Variants in ZBTB1 observed in about 807,000 individuals in gnomAD.
ZBTB1 encodes the protein zinc finger and BTB domain containing 1, also known as zinc finger and BTB domain-containing protein 1.
In ZBTB1, 13 loss-of-function variants were observed where a neutral mutation model predicts 51.6. The observed-to-expected ratio is 0.25, with a 90% CI of 0.16 to 0.40. ZBTB1 has a LOEUF of 0.40. Among genes scored for constraint, ZBTB1 ranks in the 10% least tolerant of loss-of-function variants. The pLI is 1.00. For missense variants in ZBTB1, 567 were observed against 856.5 expected (o/e 0.66, Z 4.22); for synonymous variants, 240 against 282.2 (o/e 0.85, Z 1.50).
rs2079881594 is a variant in ZBTB1 at position 64,523,743 on chromosome 14, T to C, written c.*97T>C. The C allele has an allele frequency of 7.3e-7, 1 of 1,372,896 alleles. No individual in the cohort carries two copies. Among genetic ancestry groups the C allele is most frequent in the South Asian group, 2.1e-5 (1 of 48,086 alleles). The allele number at this position is 1,372,896 out of a possible 1,614,324, so 85.0% of individuals were successfully genotyped here. On this transcript the variant is annotated 3_prime_UTR_variant, in exon 2 of 2. Transcript: ENST00000683701. This position sits in a 1 kb window ranked among gnomAD's most constrained non-coding sequence, Gnocchi z 4.5. ...GGAATTGATTATATAAGATGATTTG[T>C]TAGAAACAAATTTCAAGGCCCTTTT... is the stretch of plus-strand genomic sequence containing the variant.
rs1328568400 is a variant in ZBTB1 at position 64,523,864 on chromosome 14, GT to G, written c.*223del. ...TTCTTAATAGAATTATTTGTTTTTA[GT>G]TTTTCTTAGCTATGATTAAAATTTT... On this transcript the variant is annotated 3_prime_UTR_variant, in exon 2 of 2. Transcript: ENST00000683701. This position sits in a 1 kb window ranked among gnomAD's most constrained non-coding sequence, Gnocchi z 4.5. The G allele has an allele frequency of 1.5e-5, 18 of 1,225,582 alleles. No homozygotes were observed. The highest frequency in any genetic ancestry group is 3.2e-4 in the Middle Eastern group (1 of 3,086). 75.9% of individuals were successfully genotyped at this position (1,225,582 alleles called of 1,614,324 possible). A position where few individuals can be genotyped will look rare whatever the true frequency, so the allele number is the denominator to read the frequency against.
Position 64,523,102 on chromosome 14 carries a change from C to G in ZBTB1, c.1598C>G (p.Pro533Arg). The change falls in exon 2 of 2, where the codon CCT becomes CGT. Residue 533 changes from proline to arginine, a missense_variant. By Grantham distance (103) the Pro-to-Arg change is moderately radical (BLOSUM62 -2). Coordinates refer to ENST00000683701, the MANE Select transcript of ZBTB1 (RefSeq NM_001123329.2). The surrounding 1 kb of genome is among the most constrained non-coding windows in gnomAD (Gnocchi z 4.5). ...KKQLFKHSAC[P>R]FRCPNCGQRF... ...CAGTTATTTAAACATTCTGCCTGCC[C>G]TTTTCGATGTCCTAATTGTGGCCAG... 6.2e-7 allele frequency: 1 copy of G among 1,614,190 alleles called. No individual in the cohort carries two copies. Among genetic ancestry groups the G allele is most frequent in the South Asian group, 1.1e-5 (1 of 91,080 alleles).
At chr14:64,529,045 G>A (rs959396308), downstream of ZBTB1, among the ~76,000 whole-genome samples, 1 of 152,186 alleles carries the variant, frequency 6.6e-6, no homozygotes, top group African/African-American at 2.4e-5. Context: ...GTAATAGTGG[G>A]TACCCAATTA....
At chr14:64,508,786 TAAAC>T (rs553995628) in intron 1 of ZBTB1, among the ~76,000 whole-genome samples, 26 of 152,282 alleles carry the variant, frequency 1.7e-4, no homozygotes, top group African/African-American at 5.1e-4. Flanking sequence ...ATGATTGAAA[TAAAC>T]AAAAAATTGA....
chr14:64,521,471 T>G lies in ZBTB1; in HGVS notation c.-18-16T>G. 1 of 1,529,150 alleles carries G rather than the reference T, an allele frequency of 6.5e-7. No individual in the cohort carries two copies. Among genetic ancestry groups the G allele is most frequent in the Non-Finnish European group, 8.8e-7 (1 of 1,140,212 alleles). 94.7% of individuals were successfully genotyped at this position (1,529,150 alleles called of 1,614,324 possible). A position where few individuals can be genotyped will look rare whatever the true frequency, so the allele number is the denominator to read the frequency against. On this transcript the variant is annotated splice_polypyrimidine_tract_variant and intron_variant, in intron 1 of 1. Coordinates refer to ENST00000683701, the MANE Select transcript of ZBTB1 (RefSeq NM_001123329.2). ...TTCTATATCTTGTTTGACTTTAATA[T>G]TTTTGTTTTACATAGGTCTCTAATT...
At chr14:64,510,520 G>T (rs1005565587) in intron 1 of ZBTB1, among the ~76,000 whole-genome samples, 2 of 152,192 alleles carry the variant, frequency 1.3e-5, no homozygotes, top group Admixed American at 6.5e-5. Flanking sequence ...ATTTTTAAAT[G>T]ATATCTGGGA....
At chr14:64,509,691 C>T (rs775003064) in intron 1 of ZBTB1, among the ~76,000 whole-genome samples, 3 of 151,566 alleles carry the variant, frequency 2.0e-5, no homozygotes, top group Non-Finnish European at 4.4e-5. Context: ...AGGATCTGGC[C>T]GGGTGTGTGG....
intron 1 of ZBTB1, among the ~76,000 whole-genome samples, chr14:64,506,934 T>C (rs1207434566): frequency 3.3e-5 from 5 of 152,230 alleles, no homozygotes; most frequent in Admixed American, 3.3e-4. Context: ...ATTTTTGTAC[T>C]GCTTCCTCAT....
chr14:64,523,430 A>G lies in ZBTB1; in HGVS notation c.1926A>G (p.Gly642=). The G allele has an allele frequency of 6.2e-7, 1 of 1,614,188 alleles. No individual in the cohort carries two copies. The highest frequency in any genetic ancestry group is 8.5e-7 in the Non-Finnish European group (1 of 1,180,004). Residue 642 remains glycine, a synonymous_variant, in exon 2 of 2, where the codon GGA becomes GGG. Coordinates refer to ENST00000683701, the MANE Select transcript of ZBTB1 (RefSeq NM_001123329.2). The surrounding 1 kb of genome is among the most constrained non-coding windows in gnomAD (Gnocchi z 4.5). ...ATGTCTGTTCCATTTGTGATCAAGG[A>G]AACTTCAGAAAACATGACCATGTAC... ...ARYVCSICDQ[G]NFRKHDHVRH... is the part of the protein sequence containing the mutation.
intron 1 of ZBTB1, among the ~76,000 whole-genome samples, chr14:64,520,071 G>A (rs902489926): frequency 6.6e-6 from 1 of 151,776 alleles, no homozygotes; most frequent in Non-Finnish European, 1.5e-5. Flanking sequence ...GTGCGATCTC[G>A]GCTCACTGCA....
chr14:64,526,314 A>G (rs1000382419), downstream of ZBTB1, among the ~76,000 whole-genome samples: 2 of 152,188 alleles, frequency 1.3e-5, no homozygotes. Context: ...GTTCCCTAAT[A>G]TCTCCTTCCT....
rs369265245 is a variant in ZBTB1 at position 64,522,790 on chromosome 14, C to G, written c.1286C>G (p.Thr429Arg). 1.2e-6 allele frequency: 2 copies of G among 1,614,042 alleles called. No homozygotes were observed. The highest frequency in any genetic ancestry group is 1.7e-5 in the Admixed American group (1 of 59,990). Reference sequence around the variant, plus strand: ...GCATCTTGTGAGCTGTGTGGACTTACAATAACCGAGGAGGACCTGTCATCT... The same window carrying G: ...GCATCTTGTGAGCTGTGTGGACTTAGAATAACCGAGGAGGACCTGTCATCT... ...ENASCELCGL[T>R]ITEEDLSSHY... Residue 429 changes from threonine to arginine, a missense_variant, in exon 2 of 2, where the codon ACA becomes AGA. This residue lies in a region of ZBTB1 where 329 missense variants were observed against 406.3 expected (regional missense o/e 0.81). Coordinates refer to ENST00000683701, the MANE Select transcript of ZBTB1 (RefSeq NM_001123329.2).
At chr14:64,506,994 A>C (rs2140076859) in intron 1 of ZBTB1, among the ~76,000 whole-genome samples, 1 of 152,312 alleles carries the variant, frequency 6.6e-6, no homozygotes, top group African/African-American at 2.4e-5. Flanking sequence ...CGACCTTTTT[A>C]AGAGTATCTC....
intron 1 of ZBTB1, among the ~76,000 whole-genome samples, chr14:64,510,156 G>T (rs2079710046): frequency 6.6e-6 from 1 of 152,054 alleles, no homozygotes; most frequent in South Asian, 2.1e-4. Flanking sequence ...ATCTCATGGG[G>T]GAGACCAACA....
chr14:64,530,561 C>T (rs180922709), intron 2 of ZBTB1, among the ~76,000 whole-genome samples: 15 of 151,324 alleles, frequency 9.9e-5, no homozygotes, highest in Non-Finnish European at 2.2e-4. Context: ...GAGCTGATAT[C>T]GTGCCACTGT....
At chr14:64,504,640 G>T, upstream of ZBTB1, 1 of 326,876 alleles carries the variant, frequency 3.1e-6, no homozygotes, top group Non-Finnish European at 5.6e-6. Flanking sequence ...AGAGTGGGTG[G>T]GCGGGCGAGA....
At chr14:64,515,831 A>T (rs2079778078) in intron 1 of ZBTB1, among the ~76,000 whole-genome samples, 1 of 152,168 alleles carries the variant, frequency 6.6e-6, no homozygotes, top group South Asian at 2.1e-4. Flanking sequence ...AAAAATTTTT[A>T]ATGAAAAAAT....
intron 2 of ZBTB1, among the ~76,000 whole-genome samples, chr14:64,531,396 T>C (rs2079941051): frequency 6.6e-6 from 1 of 151,896 alleles, no homozygotes; most frequent in Admixed American, 6.6e-5. Context: ...TATGTGTGTG[T>C]GCGTGTATGC....
chr14:64,504,487 C>T (rs1012817334), upstream of ZBTB1: 3 of 159,104 alleles, frequency 1.9e-5, no homozygotes, highest in East Asian at 5.4e-4. Context: ...CCAAGCCTAC[C>T]CTTGAGAGGG....
Sources: allele counts gnomAD v4.1 joint callset (sites outside exome capture counted in the v4.1 genomes callset), GRCh38; gene constraint gnomAD v4.1.1; regional missense constraint gnomAD v4.1.1; non-coding constraint Gnocchi (gnomAD v3.1); transcripts MANE v1.5; gene names NCBI Gene and HGNC (gene_info 2026-07-23, HGNC 2026-07-21).